The following KIAA0825 variants were observed in gnomAD, a reference collection of about 807,000 sequenced individuals.
KIAA0825 encodes the protein uncharacterized protein KIAA0825.
KIAA0825 carries 119 observed loss-of-function variants against 147.6 expected under a neutral mutation model. The observed-to-expected ratio is 0.81, with a 90% confidence interval of 0.69 to 0.94. The LOEUF is 0.94. KIAA0825 is among the 40% of genes least tolerant of loss of function. The pLI, the probability that KIAA0825 is intolerant of heterozygous loss-of-function variation, is 0.00. For missense variants in KIAA0825, 1,381 were observed against 1,472.7 expected (o/e 0.94, Z 1.02); for synonymous variants, 470 against 518.1 (o/e 0.91, Z 1.26).
chr5:94,402,268 G>T (rs1341305086), intron 16 of KIAA0825, among the ~76,000 whole-genome samples: 1 of 152,062 alleles, frequency 6.6e-6, no homozygotes, highest in Non-Finnish European at 1.5e-5. Context: ...AAGCAAAATT[G>T]TTCGTGAATA....
Position 94,396,088 on chromosome 5 carries a change from A to C in KIAA0825, c.3296+13T>G. On this transcript the variant is annotated intron_variant, in intron 17 of 20. Transcript: ENST00000682413. The stretch of plus-strand genomic sequence containing the variant: ...ATTTGATGAAATCCAATAAGAGAAA[A>C]ACATCACTTTACCATTCAGTGCTCA... The C allele has an allele frequency of 7.0e-7, 1 of 1,423,598 alleles. No individual in the cohort carries two copies. The allele number at this position is 1,423,598 out of a possible 1,614,324, so 88.2% of individuals were successfully genotyped here.
intron 20 of KIAA0825, among the ~76,000 whole-genome samples, chr5:94,375,070 C>T (rs1485615385): frequency 5.2e-5 from 7 of 135,796 alleles, no homozygotes; most frequent in African/African-American, 1.1e-4. Flanking sequence ...CTCGCTCTGT[C>T]GCCTGGGCTG....
chr5:94,447,883 T>A (rs1757929645), intron 13 of KIAA0825, among the ~76,000 whole-genome samples: 1 of 152,020 alleles, frequency 6.6e-6, no homozygotes, highest in African/African-American at 2.4e-5. Flanking sequence ...GTTGTCACCA[T>A]AAAAGAAAAT....
chr5:94,174,589 A>G (rs1768913881), intron 20 of KIAA0825, among the ~76,000 whole-genome samples: 1 of 152,162 alleles, frequency 6.6e-6, no homozygotes, highest in African/African-American at 2.4e-5. Flanking sequence ...AGTACTAGCT[A>G]AAAATGTACG....
At chr5:94,305,459 G>A (rs2150185834) in intron 20 of KIAA0825, among the ~76,000 whole-genome samples, 1 of 151,938 alleles carries the variant, frequency 6.6e-6, no homozygotes, top group South Asian at 2.1e-4. Flanking sequence ...CCTCCACCAA[G>A]TTTTACAGCC....
chr5:94,184,069 G>A (rs139221739), intron 20 of KIAA0825, among the ~76,000 whole-genome samples: 14 of 152,230 alleles, frequency 9.2e-5, no homozygotes, highest in Non-Finnish European at 1.6e-4. Flanking sequence ...CACTAACTCC[G>A]GGTAGTTGGT....
chr5:94,530,229 C>A (rs1401289142), intron 3 of KIAA0825, among the ~76,000 whole-genome samples: 1 of 135,148 alleles, frequency 7.4e-6, no homozygotes, highest in East Asian at 2.3e-4. Flanking sequence ...TGAGATTGCA[C>A]CATTGCACTC....
chr5:94,152,856 TTA>T lies in KIAA0825; in HGVS notation c.*1149_*1150del, dbSNP rs1175360792. The T allele has an allele frequency of 6.1e-3, 17 of 2,770 alleles. No homozygotes were observed. Among genetic ancestry groups the T allele is most frequent in the East Asian group, 0.011 (1 of 92 alleles). The allele number at this position is 2,770 out of a possible 1,614,324, so 0.2% of individuals were successfully genotyped here. A position where few individuals can be genotyped will look rare whatever the true frequency, so the allele number is the denominator to read the frequency against. The stretch of plus-strand genomic sequence containing the variant: ...AAAAAAAAAAAAAAAAAAAAAAAAA[TTA>T]TATATATATATATATATATATATAT... On this transcript the variant is annotated 3_prime_UTR_variant, in exon 21 of 21. Coordinates refer to ENST00000682413, the MANE Select transcript of KIAA0825 (RefSeq NM_001145678.3).
intron 2 of KIAA0825, among the ~76,000 whole-genome samples, chr5:94,575,669 G>C (rs1220252957): frequency 6.6e-6 from 1 of 152,212 alleles, no homozygotes; most frequent in Admixed American, 6.5e-5. Context: ...AATTATGACA[G>C]TAGTGACTAA....
chr5:94,154,186 T>A, intron 20 of KIAA0825, 62 bp from the exon 21 acceptor site: 1 of 1,007,992 alleles, frequency 9.9e-7, no homozygotes, highest in Non-Finnish European at 1.5e-6. Context: ...AACACTCAGT[T>A]AATCAAGTCT....
chr5:94,196,095 C>T (rs906332437), intron 20 of KIAA0825, among the ~76,000 whole-genome samples: 8 of 152,082 alleles, frequency 5.3e-5, no homozygotes, highest in African/African-American at 2.4e-5. Flanking sequence ...TGGGGATATA[C>T]GGACCTCGGC....
At chr5:94,482,494 T>C (rs1395080829) in intron 6 of KIAA0825, among the ~76,000 whole-genome samples, 1 of 152,074 alleles carries the variant, frequency 6.6e-6, no homozygotes. Flanking sequence ...CCCGCTATTC[T>C]CTTCCTCACC....
chr5:94,433,730 T>C (rs928826320), intron 14 of KIAA0825, among the ~76,000 whole-genome samples: 1 of 152,244 alleles, frequency 6.6e-6, no homozygotes, highest in African/African-American at 2.4e-5. Flanking sequence ...ACATTTAAAC[T>C]ACTTAGAAAC....
intron 2 of KIAA0825, among the ~76,000 whole-genome samples, chr5:94,574,543 C>CAAAAAAAAAAA (rs1181241238): frequency 4.4e-4 from 29 of 65,514 alleles, no homozygotes; most frequent in Middle Eastern, 0.011. Context: ...GACTCCATCT[C>CAAAAAAAAAAA]AAAAAAAAAA....
rs560007163 is a variant in KIAA0825, at chr5:94,281,675, C to T, written c.3710+102693G>A. Among the ~76,000 whole-genome samples the T allele has an allele frequency of 4.7e-4, 72 of 152,208 alleles. 1 individual carries two copies. The highest frequency in any genetic ancestry group is 6.8e-3 in the Middle Eastern group (2 of 294). On this transcript the variant is annotated intron_variant, in intron 20 of 20. Transcript: ENST00000682413. ...CTTCCTGGCCTTACCTACCACATGC[C>T]AGTAGCAACCCCTCCTCTTCCAGTT... is the stretch of plus-strand genomic sequence containing the variant.
intron 6 of KIAA0825, among the ~76,000 whole-genome samples, chr5:94,481,610 G>A (rs1241854966): frequency 6.6e-6 from 1 of 152,012 alleles, no homozygotes; most frequent in Non-Finnish European, 1.5e-5. Flanking sequence ...CTCTGCCCAA[G>A]AAACAGCTAA....
chr5:94,503,766 G>C (rs903147066), intron 5 of KIAA0825, among the ~76,000 whole-genome samples: 1 of 152,142 alleles, frequency 6.6e-6, no homozygotes, highest in African/African-American at 2.4e-5. Flanking sequence ...CTTTCCCAAG[G>C]GTTCTGAAGG....
chr5:94,435,939 G>T (rs868422151), intron 14 of KIAA0825, among the ~76,000 whole-genome samples: 4 of 152,024 alleles, frequency 2.6e-5, no homozygotes, highest in African/African-American at 9.7e-5. Context: ...AGAAGTGTCT[G>T]TTCATGTCCT....
chr5:94,379,164 G>A (rs368680605), intron 20 of KIAA0825, among the ~76,000 whole-genome samples: 4 of 152,098 alleles, frequency 2.6e-5, no homozygotes, highest in South Asian at 2.1e-4. Flanking sequence ...CATCTTCATC[G>A]TGAAATCTTT....
Sources: gnomAD v4.1 joint callset for allele counts (sites outside exome capture counted in the v4.1 genomes callset) on GRCh38, gnomAD v4.1.1 for gene constraint, MANE v1.5 for transcripts, NCBI Gene and HGNC (gene_info 2026-07-23, HGNC 2026-07-21) for gene names.